KLF13: variants seen among roughly 807,000 people sequenced by gnomAD.
KLF13 encodes Krueppel-like factor 13.
A neutral mutation model predicts 16.7 loss-of-function variants in KLF13; 8 were observed. The ratio of observed to expected loss-of-function variants is 0.48; its 90% CI spans 0.28 to 0.87. KLF13 has a LOEUF of 0.87. Among genes scored for constraint, KLF13 ranks in the 40% least tolerant of loss-of-function variants. The pLI, the probability that KLF13 is intolerant of heterozygous loss-of-function variation, is 0.10. For missense variants in KLF13, 447 were observed against 452.2 expected, an observed-to-expected ratio of 0.99 and a Z score of 0.10; for synonymous variants, 245 against 208.4, an observed-to-expected ratio of 1.18 and a Z score of -1.51.
chr15:31,385,268 A>G (rs1297594919), intron 1 of KLF13, among the ~76,000 whole-genome samples: 2 of 152,260 alleles, frequency 1.3e-5, no homozygotes, highest in African/African-American at 4.8e-5. Flanking sequence ...ATGAGTATCT[A>G]TAGACCAAGA....
intron 1 of KLF13, among the ~76,000 whole-genome samples, chr15:31,429,670 A>G (rs1483420543): frequency 6.6e-6 from 1 of 152,070 alleles, no homozygotes; most frequent in Non-Finnish European, 1.5e-5. Context: ...GACTAACTTT[A>G]TGATCTTAGC....
intron 1 of KLF13, among the ~76,000 whole-genome samples, chr15:31,429,690 GATTCTTTTATTT>G (rs1267537907): frequency 2.0e-5 from 3 of 147,150 alleles, no homozygotes; most frequent in Non-Finnish European, 3.0e-5. Context: ...CACAGAGAAA[GATTCTTTTATTT>G]ATTTATTTAT....
intron 1 of KLF13, among the ~76,000 whole-genome samples, chr15:31,344,020 A>G (rs962572059): frequency 6.6e-6 from 1 of 152,174 alleles, no homozygotes; most frequent in African/African-American, 2.4e-5. Flanking sequence ...TGCTGCCCTA[A>G]ATACTTGCTG....
intron 1 of KLF13, among the ~76,000 whole-genome samples, chr15:31,362,129 G>C (rs1191319126): frequency 6.6e-6 from 1 of 152,144 alleles, no homozygotes; most frequent in Non-Finnish European, 1.5e-5. Context: ...GCAGGAGTGT[G>C]GTATTCAGGA....
intron 1 of KLF13, among the ~76,000 whole-genome samples, chr15:31,364,305 G>A (rs973389115): frequency 6.6e-6 from 1 of 152,220 alleles, no homozygotes; most frequent in Non-Finnish European, 1.5e-5. Flanking sequence ...ATTTGCCCAA[G>A]GAGGATTCTC....
intron 1 of KLF13, among the ~76,000 whole-genome samples, chr15:31,410,457 G>A (rs1479970822): frequency 6.6e-6 from 1 of 151,996 alleles, no homozygotes; most frequent in African/African-American, 2.4e-5. Flanking sequence ...AGACCAAGTG[G>A]CAGAATAAAA....
At chr15:31,396,044 A>C (rs2039947599) in intron 2 of KLF13, among the ~76,000 whole-genome samples, 1 of 151,750 alleles carries the variant, frequency 6.6e-6, no homozygotes, top group Non-Finnish European at 1.5e-5. Flanking sequence ...CTTTTTTTTG[A>C]GACGGAGTTT....
intron 1 of KLF13, among the ~76,000 whole-genome samples, chr15:31,385,556 T>G (rs1257128881): frequency 6.6e-6 from 1 of 152,228 alleles, no homozygotes; most frequent in Admixed American, 6.5e-5. Context: ...ATTTCAAACA[T>G]TTTTACTATT....
chr15:31,402,276 A>G (rs1450363343), intron 2 of KLF13, among the ~76,000 whole-genome samples: 1 of 152,264 alleles, frequency 6.6e-6, no homozygotes, highest in South Asian at 2.1e-4. Flanking sequence ...CAGCCTCTGA[A>G]AGGAAGATGA....
chr15:31,350,786 T>C (rs3803554), intron 1 of KLF13, among the ~76,000 whole-genome samples: 57,429 of 152,112 alleles, frequency 0.38, 11,121 homozygotes, highest in African/African-American at 0.46. Flanking sequence ...GCCATGCCAG[T>C]GGAGAAGGTG....
At chr15:31,427,447 C>T (rs1219163007) in intron 1 of KLF13, among the ~76,000 whole-genome samples, 3 of 152,098 alleles carry the variant, frequency 2.0e-5, no homozygotes, top group Admixed American at 2.0e-4. Flanking sequence ...ATCATATGAT[C>T]CAGCAACCTG....
downstream of KLF13, among the ~76,000 whole-genome samples, chr15:31,408,869 CAGTG>C (rs1305258942): frequency 1.3e-5 from 2 of 152,018 alleles, no homozygotes; most frequent in African/African-American, 2.4e-5. Flanking sequence ...ATGAAAAACA[CAGTG>C]AGAGAGATGA....
chr15:31,344,405 C>T (rs1566808243), intron 1 of KLF13, among the ~76,000 whole-genome samples: 2 of 140,608 alleles, frequency 1.4e-5, no homozygotes, highest in Non-Finnish European at 3.2e-5. Context: ...CTGGCAAGGG[C>T]TCCAGGGGAG....
At chr15:31,347,507 G>C (rs952900170) in intron 1 of KLF13, among the ~76,000 whole-genome samples, 6 of 152,192 alleles carry the variant, frequency 3.9e-5, no homozygotes, top group Admixed American at 6.5e-5. Flanking sequence ...CACCTTGACT[G>C]TGGTGATGAG....
At position 31,327,728 on chromosome 15, in the gene KLF13, G is replaced by C. The variant is rs1451727214; in HGVS notation, c.516G>C (p.Ala172=). 9.8e-6 allele frequency: 15 copies of C among 1,536,998 alleles called. No homozygotes were observed. Among genetic ancestry groups the C allele is most frequent in the East Asian group, 2.7e-5 (1 of 37,644 alleles). Residue 172 remains alanine, a synonymous_variant, in exon 1 of 2, where the codon GCG becomes GCC. Coordinates refer to ENST00000307145, the MANE Select transcript of KLF13 (RefSeq NM_015995.4). ...SPQRKHKCHY[A]GCEKVYGKSS... ...AGAGGAAGCACAAGTGCCACTACGC[G>C]GGCTGCGAGAAAGTTTACGGGAAAT... is the stretch of plus-strand genomic sequence containing the variant.
Position 31,327,748 on chromosome 15 carries a change from G to A in KLF13, c.536G>A (p.Gly179Glu), listed in dbSNP as rs1423226163. 3 of 1,534,148 alleles carry A rather than the reference G, an allele frequency of 2.0e-6. No homozygotes were observed. The highest frequency in any genetic ancestry group is 2.7e-5 in the East Asian group (1 of 37,366). Residue 179 changes from glycine to glutamate, a missense_variant, in exon 1 of 2, where the codon GGG becomes GAG. Gly to Glu is a moderately conservative substitution (Grantham distance 98). This residue lies in a region of KLF13 where 359 missense variants were observed against 282.8 expected (regional missense o/e 1.27). Coordinates refer to ENST00000307145, the MANE Select transcript of KLF13 (RefSeq NM_015995.4). ...TACGCGGGCTGCGAGAAAGTTTACGGGAAATCTTCGCACCTCAAGGCGCAC... is the reference window on the plus strand; with the variant it reads ...TACGCGGGCTGCGAGAAAGTTTACGAGAAATCTTCGCACCTCAAGGCGCAC... ...CHYAGCEKVYGKSSHLKAHLR... is the reference protein window; with the variant it reads ...CHYAGCEKVYEKSSHLKAHLR...
At chr15:31,341,078 C>A (rs1732966272) in intron 1 of KLF13, among the ~76,000 whole-genome samples, 1 of 152,114 alleles carries the variant, frequency 6.6e-6, no homozygotes, top group Admixed American at 6.5e-5. Flanking sequence ...AAGCTTGACT[C>A]CACAAATGTT....
downstream of KLF13, among the ~76,000 whole-genome samples, chr15:31,405,536 A>G (rs1041480883): frequency 6.6e-6 from 1 of 152,224 alleles, no homozygotes; most frequent in African/African-American, 2.4e-5. Context: ...TTCTATTGTA[A>G]CAACCTGAAC....
chr15:31,335,101 G>C (rs1228407357), intron 1 of KLF13, among the ~76,000 whole-genome samples: 1 of 152,182 alleles, frequency 6.6e-6, no homozygotes, highest in Non-Finnish European at 1.5e-5. Flanking sequence ...GTGAGTGGAC[G>C]TGGCACCCTG....
Sources: allele counts gnomAD v4.1 joint callset (sites outside exome capture counted in the v4.1 genomes callset), GRCh38; gene constraint gnomAD v4.1.1; regional missense constraint gnomAD v4.1.1; transcripts MANE v1.5; gene names NCBI Gene and HGNC (gene_info 2026-07-23, HGNC 2026-07-21).